Variants in KRTAP12-3 observed in about 807,000 individuals in gnomAD.
KRTAP12-3 encodes the protein keratin associated protein 12-3, also known as keratin-associated protein 12-3.
KRTAP12-3 carries 1 observed loss-of-function variant against 0.2 expected under a neutral mutation model. The observed-to-expected ratio is 4.14, with a 90% CI of 1.47 to 19.66. KRTAP12-3 has a LOEUF of 19.66. Among genes scored for constraint, KRTAP12-3 ranks in the 30% most tolerant of loss-of-function variants. KRTAP12-3 has a pLI of 0.11. For missense variants in KRTAP12-3, 116 were observed against 128.2 expected (o/e 0.90, Z 0.46); for synonymous variants, 61 against 54.3 (o/e 1.12, Z -0.54).
Position 44,658,072 on chromosome 21 carries a change from G to T in KRTAP12-3, c.93G>T (p.Gln31His), listed in dbSNP as rs782513844. The T allele has an allele frequency of 6.2e-7, 1 of 1,613,992 alleles. No individual in the cohort carries two copies. The highest frequency in any genetic ancestry group is 8.5e-7 in the Non-Finnish European group (1 of 1,179,926). Residue 31 changes from glutamine (Q) to histidine (H), a missense_variant, in exon 1 of 1, where the codon CAG becomes CAT. By Grantham distance (24) the Gln-to-His change is conservative (BLOSUM62 0). Transcript: ENST00000397907. ...QASCYVPVSC[Q>H]SSVCMPVSCT... ...CCTGCTATGTGCCCGTGAGCTGCCAGTCCTCCGTGTGCATGCCCGTGAGCT... is the reference window on the plus strand; with the variant it reads ...CCTGCTATGTGCCCGTGAGCTGCCATTCCTCCGTGTGCATGCCCGTGAGCT...
In KRTAP12-3 at chr21:44,658,104, G is replaced by A. The variant is rs781955267; in HGVS notation, c.125G>A (p.Arg42His). ...GTGTGCATGCCCGTGAGCTGCACGC[G>A]CATTGTGTGCGTGGCTCCCTCCTGC... Reference protein sequence around the residue: ...SSVCMPVSCTRIVCVAPSCQP... With the variant: ...SSVCMPVSCTHIVCVAPSCQP... Residue 42 changes from arginine (R) to histidine (H), a missense_variant, in exon 1 of 1, where the codon CGC becomes CAC. Transcript: ENST00000397907. 2.0e-4 allele frequency: 316 copies of A among 1,612,560 alleles called. No homozygotes were observed. Among genetic ancestry groups the A allele is most frequent in the Middle Eastern group, 1.8e-3 (11 of 6,054 alleles).
Position 44,657,992 on chromosome 21 carries a change from A to G in KRTAP12-3, c.13A>G (p.Ser5Gly), listed in dbSNP as rs781836775. 6.2e-7 allele frequency: 1 copy of G among 1,613,282 alleles called. No homozygotes were observed. Among genetic ancestry groups the G allele is most frequent in the East Asian group, 2.2e-5 (1 of 44,870 alleles). ...GCCACACGCCACCATGTGCCACACC[A>G]GCTGCTCCCCAGCCTGCCAGCCAAC... MCHT[S>G]CSPACQPTCC... Residue 5 changes from serine (S) to glycine (G), a missense_variant, in exon 1 of 1, where the codon AGC becomes GGC. By Grantham distance (56) the Ser-to-Gly change is moderately conservative. Coordinates refer to ENST00000397907, the MANE Select transcript of KRTAP12-3 (RefSeq NM_198697.2).
chr21:44,657,949 C>T lies in KRTAP12-3; in HGVS notation c.-31C>T, dbSNP rs1985249581. The T allele has an allele frequency of 1.9e-6, 3 of 1,599,484 alleles. No homozygotes were observed. The South Asian group carries it at 3.4e-5, about 18-fold the overall frequency. ...GCAGCTTCCAGACATCACCATCCTC[C>T]TCCCCAGTACCAGCCCAGCCACACG... On this transcript the variant is annotated 5_prime_UTR_variant, in exon 1 of 1. Transcript: ENST00000397907.
chr21:44,657,985 C>T lies in KRTAP12-3; in HGVS notation c.6C>T (p.Cys2=). The change falls in exon 1 of 1, where the codon TGC becomes TGT. Residue 2 remains cysteine (C), a synonymous_variant. Coordinates refer to ENST00000397907, the MANE Select transcript of KRTAP12-3 (RefSeq NM_198697.2). ...CAGCCCAGCCACACGCCACCATGTG[C>T]CACACCAGCTGCTCCCCAGCCTGCC... is the stretch of plus-strand genomic sequence containing the variant. M[C]HTSCSPACQP... The T allele has an allele frequency of 6.2e-7, 1 of 1,612,968 alleles. No individual in the cohort carries two copies. Among genetic ancestry groups the T allele is most frequent in the Non-Finnish European group, 8.5e-7 (1 of 1,179,320 alleles).
At position 44,658,299 on chromosome 21, in the gene KRTAP12-3, C is replaced by A; in HGVS notation, c.*29C>A. ...GCTGCTCCTGGTACACGGGGGTACA[C>A]ACCTGTATCCCTCCGTGAATAAGCA... On this transcript the variant is annotated 3_prime_UTR_variant, in exon 1 of 1. Transcript: ENST00000397907. 6.2e-7 allele frequency: 1 copy of A among 1,600,552 alleles called. No individual in the cohort carries two copies. The highest frequency in any genetic ancestry group is 8.5e-7 in the Non-Finnish European group (1 of 1,169,892).
At position 44,658,198 on chromosome 21, in the gene KRTAP12-3, G is replaced by A. The variant is rs201709034; in HGVS notation, c.219G>A (p.Ser73=). ...ATGTGACTCCCTCTTGCCAATCTTC[G>A]GGGTGCTGCCAGCCCCCCTGCACCA... The part of the protein sequence containing the change: ...IIYVTPSCQS[S]GCCQPPCTTA... The change falls in exon 1 of 1, where the codon TCG becomes TCA. Residue 73 remains serine, a synonymous_variant. Transcript: ENST00000397907. 28 of 1,613,912 alleles carry A rather than the reference G, an allele frequency of 1.7e-5. No individual in the cohort carries two copies. The African/African-American group carries it at 2.0e-4, about 12-fold the overall frequency.
rs1985256110 is a variant in KRTAP12-3 at position 44,658,017 on chromosome 21, C to T, written c.38C>T (p.Thr13Ile). Residue 13 changes from threonine (T) to isoleucine (I), a missense_variant, in exon 1 of 1, where the codon ACC becomes ATC. By Grantham distance (89) the Thr-to-Ile change is moderately conservative (BLOSUM62 -1). Transcript: ENST00000397907. ...HTSCSPACQP[T>I]CCIHSPCQAS... is the part of the protein sequence containing the mutation. ...AGCTGCTCCCCAGCCTGCCAGCCAACCTGCTGCATACACAGCCCCTGCCAG... is the reference window on the plus strand; with the variant it reads ...AGCTGCTCCCCAGCCTGCCAGCCAATCTGCTGCATACACAGCCCCTGCCAG... 3 of 1,613,842 alleles carry T rather than the reference C, an allele frequency of 1.9e-6. No homozygotes were observed. In the Admixed American group the frequency reaches 5.0e-5, roughly 27 times the overall value.
In KRTAP12-3 at chr21:44,658,121, C is replaced by T. The variant is rs1985267510; in HGVS notation, c.142C>T (p.Pro48Ser). Residue 48 changes from proline to serine, a missense_variant, in exon 1 of 1, where the codon CCC (proline) becomes TCC (serine). By Grantham distance (74) the Pro-to-Ser change is moderately conservative (BLOSUM62 -1). Coordinates refer to ENST00000397907, the MANE Select transcript of KRTAP12-3 (RefSeq NM_198697.2). ...VSCTRIVCVAPSCQPSVCVPV... is the reference protein window; with the variant it reads ...VSCTRIVCVASSCQPSVCVPV... ...CTGCACGCGCATTGTGTGCGTGGCT[C>T]CCTCCTGCCAGCCCTCCGTGTGCGT... The T allele has an allele frequency of 6.2e-7, 1 of 1,613,580 alleles. No homozygotes were observed. The highest frequency in any genetic ancestry group is 1.1e-5 in the South Asian group (1 of 91,062).
In KRTAP12-3 at chr21:44,658,212, C is replaced by A. The variant is rs1191058462; in HGVS notation, c.233C>A (p.Pro78His). Reference sequence around the variant, plus strand: ...TGCCAATCTTCGGGGTGCTGCCAGCCCCCCTGCACCACTGCCCTCTGCAGA... The same window carrying A: ...TGCCAATCTTCGGGGTGCTGCCAGCACCCCTGCACCACTGCCCTCTGCAGA... ...PSCQSSGCCQ[P>H]PCTTALCRPI... Residue 78 changes from proline (P) to histidine (H), a missense_variant, in exon 1 of 1, where the codon CCC (proline) becomes CAC (histidine). Transcript: ENST00000397907. 3 of 1,613,776 alleles carry A rather than the reference C, an allele frequency of 1.9e-6. No homozygotes were observed. The African/African-American group carries it at 4.0e-5, about 22-fold the overall frequency.
In KRTAP12-3 at chr21:44,658,036, C is replaced by T. The variant is rs782781021; in HGVS notation, c.57C>T (p.Pro19=). Residue 19 remains proline (P), a synonymous_variant, in exon 1 of 1, where the codon CCC becomes CCT. Coordinates refer to ENST00000397907, the MANE Select transcript of KRTAP12-3 (RefSeq NM_198697.2). ...ACQPTCCIHS[P]CQASCYVPVS... The stretch of plus-strand genomic sequence containing the variant: ...AGCCAACCTGCTGCATACACAGCCC[C>T]TGCCAGGCATCCTGCTATGTGCCCG... 1.2e-6 allele frequency: 2 copies of T among 1,613,928 alleles called. No individual in the cohort carries two copies. The highest frequency in any genetic ancestry group is 1.7e-6 in the Non-Finnish European group (2 of 1,179,844).
In KRTAP12-3 at chr21:44,658,207, C is replaced by T. The variant is rs368106016; in HGVS notation, c.228C>T (p.Cys76=). ...VTPSCQSSGC[C]QPPCTTALCR... is the part of the protein sequence containing the mutation. Reference sequence around the variant, plus strand: ...CCTCTTGCCAATCTTCGGGGTGCTGCCAGCCCCCCTGCACCACTGCCCTCT... The same window carrying T: ...CCTCTTGCCAATCTTCGGGGTGCTGTCAGCCCCCCTGCACCACTGCCCTCT... Residue 76 remains cysteine (C), a synonymous_variant, in exon 1 of 1, where the codon TGC becomes TGT. Transcript: ENST00000397907. 6 of 1,613,636 alleles carry T rather than the reference C, an allele frequency of 3.7e-6. No individual in the cohort carries two copies. The Admixed American group carries it at 6.7e-5, about 18-fold the overall frequency.
chr21:44,658,307 T>G lies in KRTAP12-3; in HGVS notation c.*37T>G, dbSNP rs1555943019. ...TGGTACACGGGGGTACACACCTGTATCCCTCCGTGAATAAGCATCTGGTGG... is the reference window on the plus strand; with the variant it reads ...TGGTACACGGGGGTACACACCTGTAGCCCTCCGTGAATAAGCATCTGGTGG... On this transcript the variant is annotated 3_prime_UTR_variant, in exon 1 of 1. Transcript: ENST00000397907. 3 of 1,588,774 alleles carry G rather than the reference T, an allele frequency of 1.9e-6. No individual in the cohort carries two copies. The Admixed American group carries it at 5.1e-5, about 27-fold the overall frequency.
In KRTAP12-3 at chr21:44,658,061, G is replaced by A. The variant is rs782814531; in HGVS notation, c.82G>A (p.Val28Met). 2.5e-5 allele frequency: 40 copies of A among 1,611,720 alleles called. No homozygotes were observed. Among genetic ancestry groups the A allele is most frequent in the Admixed American group, 1.0e-4 (6 of 59,900 alleles). ...CTGCCAGGCATCCTGCTATGTGCCCGTGAGCTGCCAGTCCTCCGTGTGCAT... is the reference window on the plus strand; with the variant it reads ...CTGCCAGGCATCCTGCTATGTGCCCATGAGCTGCCAGTCCTCCGTGTGCAT... ...SPCQASCYVP[V>M]SCQSSVCMPV... is the part of the protein sequence containing the mutation. Residue 28 changes from valine (V) to methionine (M), a missense_variant, in exon 1 of 1, where the codon GTG (valine) becomes ATG (methionine). Coordinates refer to ENST00000397907, the MANE Select transcript of KRTAP12-3 (RefSeq NM_198697.2).
At position 44,658,055 on chromosome 21, in the gene KRTAP12-3, G is replaced by A; in HGVS notation, c.76G>A (p.Val26Met). Residue 26 changes from valine (V) to methionine (M), a missense_variant, in exon 1 of 1, where the codon GTG becomes ATG. Physicochemically the swap from Val to Met is conservative, Grantham distance 21. Transcript: ENST00000397907. ...CAGCCCCTGCCAGGCATCCTGCTAT[G>A]TGCCCGTGAGCTGCCAGTCCTCCGT... is the stretch of plus-strand genomic sequence containing the variant. ...IHSPCQASCY[V>M]PVSCQSSVCM... The A allele has an allele frequency of 2.5e-6, 4 of 1,613,740 alleles. No homozygotes were observed.
chr21:44,657,966 A>AGCCACACGCCACCATGT lies in KRTAP12-3; in HGVS notation c.-6_11dup. On this transcript the variant is annotated 5_prime_UTR_variant, in exon 1 of 1. It adds an upstream start codon to the 5' untranslated region. Coordinates refer to ENST00000397907, the MANE Select transcript of KRTAP12-3 (RefSeq NM_198697.2). ...CCATCCTCCTCCCCAGTACCAGCCC[A>AGCCACACGCCACCATGT]GCCACACGCCACCATGTGCCACACC... 1 of 1,610,144 alleles carries AGCCACACGCCACCATGT rather than the reference A, an allele frequency of 6.2e-7. No individual in the cohort carries two copies. The highest frequency in any genetic ancestry group is 8.5e-7 in the Non-Finnish European group (1 of 1,177,474).
Sources: gnomAD v4.1 joint callset for allele counts on GRCh38, gnomAD v4.1.1 for gene constraint, MANE v1.5 for transcripts, NCBI Gene and HGNC (gene_info 2026-07-23, HGNC 2026-07-21) for gene names.